The following DGKB variants were observed in gnomAD, a reference collection of about 807,000 sequenced individuals.
DGKB encodes 90 kDa diacylglycerol kinase.
DGKB carries 67 observed loss-of-function variants against 114.3 expected under a neutral mutation model. The observed-to-expected ratio is 0.59, with a 90% CI of 0.48 to 0.72. DGKB has a LOEUF of 0.72. Among genes scored for constraint, DGKB ranks in the 30% least tolerant of loss-of-function variants. DGKB has a pLI of 0.00. For synonymous variants in DGKB, 398 were observed against 323.1 expected (o/e 1.23, Z -2.49); for missense variants, 907 against 975.2 (o/e 0.93, Z 0.93).
At chr7:14,389,215 C>T (rs540804554) in intron 21 of DGKB, among the ~76,000 whole-genome samples, 7 of 152,086 alleles carry the variant, frequency 4.6e-5, no homozygotes, top group South Asian at 2.1e-4. Flanking sequence ...TGTGTGGGAC[C>T]GAGGAATCAT....
chr7:14,765,338 T>C lies in DGKB; in HGVS notation c.71-7607A>G, dbSNP rs538436574. On this transcript the variant is annotated intron_variant, in intron 2 of 25. Transcript: ENST00000402815. ...TAGCTTAAAAAGATAATGGGCATAA[T>C]ATCTTTGAGCAACCTGTTACACATA... Among the ~76,000 whole-genome samples the C allele has an allele frequency of 2.6e-5, 4 of 152,134 alleles. No homozygotes were observed. The South Asian group carries it at 8.3e-4, about 31-fold the overall frequency.
In DGKB at chr7:14,607,417, A is replaced by G. The variant is rs766648953; in HGVS notation, c.1433+17T>C. 3.0e-6 allele frequency: 4 copies of G among 1,340,598 alleles called. No homozygotes were observed. The highest frequency in any genetic ancestry group is 2.9e-5 in the African/African-American group (2 of 68,932). The allele number at this position is 1,340,598 out of a possible 1,614,324, so 83.0% of individuals were successfully genotyped here. On this transcript the variant is annotated intron_variant, in intron 17 of 25. Coordinates refer to ENST00000402815, the MANE Select transcript of DGKB (RefSeq NM_001350709.2). ...CATTAACTGAGTTAATGGTAATAAT[A>G]TTATCCTTGGACTTACCCTGGCATT...
chr7:14,737,649 C>T (rs1240200824), intron 4 of DGKB, among the ~76,000 whole-genome samples: 1 of 151,822 alleles, frequency 6.6e-6, no homozygotes, highest in Non-Finnish European at 1.5e-5. Flanking sequence ...ATCAATAGTC[C>T]CAAGATTCTG....
intron 20 of DGKB, among the ~76,000 whole-genome samples, chr7:14,502,804 A>G (rs1008953282): frequency 6.6e-6 from 1 of 152,146 alleles, no homozygotes; most frequent in Non-Finnish European, 1.5e-5. Context: ...CTCTTGCTGT[A>G]TGCACTGATC....
intron 1 of DGKB, among the ~76,000 whole-genome samples, chr7:14,899,749 A>G (rs1782693310): frequency 6.6e-6 from 1 of 152,048 alleles, no homozygotes; most frequent in South Asian, 2.1e-4. Flanking sequence ...GTTTAGGTGG[A>G]TCCAATTTTG....
At chr7:14,952,651 G>A (rs747195296) in intron 1 of DGKB, among the ~76,000 whole-genome samples, 1 of 152,004 alleles carries the variant, frequency 6.6e-6, no homozygotes. Flanking sequence ...AGCTACTCAG[G>A]AGGCTGAGAC....
chr7:14,447,412 T>G (rs1345916610), intron 21 of DGKB, among the ~76,000 whole-genome samples: 4 of 152,078 alleles, frequency 2.6e-5, no homozygotes, highest in Non-Finnish European at 4.4e-5. Flanking sequence ...CAACAATAGC[T>G]TCCACATGTG....
In DGKB at chr7:14,682,595, G is replaced by A. The variant is rs1234405984; in HGVS notation, c.993C>T (p.Tyr331=). 8.1e-6 allele frequency: 13 copies of A among 1,613,368 alleles called. No individual in the cohort carries two copies. The highest frequency in any genetic ancestry group is 1.1e-5 in the Non-Finnish European group (13 of 1,179,568). Residue 331 remains tyrosine (Y), a synonymous_variant, in exon 12 of 26, where the codon TAC becomes TAT. Transcript: ENST00000402815. The part of the protein sequence containing the change: ...CDKCHKTVKC[Y]QGLTGLHCVW... Reference sequence around the variant, plus strand: ...CACAATGCAGTCCTGTCAGGCCCTGGTAACATTTAACAGTTTTGTGGCACT... The same window carrying A: ...CACAATGCAGTCCTGTCAGGCCCTGATAACATTTAACAGTTTTGTGGCACT...
chr7:14,185,434 A>G (rs1027860611), intron 23 of DGKB, among the ~76,000 whole-genome samples: 6 of 152,226 alleles, frequency 3.9e-5, no homozygotes, highest in Admixed American at 3.3e-4. Flanking sequence ...GAAAATGACC[A>G]TACTGCCAAA....
At chr7:14,591,629 T>G (rs534753538) in intron 17 of DGKB, among the ~76,000 whole-genome samples, 249 of 152,278 alleles carry the variant, frequency 1.6e-3, no homozygotes, top group African/African-American at 5.7e-3. Flanking sequence ...TAAGATCCAC[T>G]GCACAACACT....
At chr7:14,884,264 A>G (rs1209343935) in intron 1 of DGKB, among the ~76,000 whole-genome samples, 2 of 151,988 alleles carry the variant, frequency 1.3e-5, no homozygotes, top group Non-Finnish European at 2.9e-5. Context: ...TTTTAATATA[A>G]TTATTTATTT....
intron 5 of DGKB, among the ~76,000 whole-genome samples, chr7:14,729,313 C>G (rs551482278): frequency 0.034 from 5,182 of 150,466 alleles, 280 homozygotes; most frequent in African/African-American, 0.11. Flanking sequence ...TAGTAGAGAC[C>G]AGGTTTCACC....
At chr7:14,399,119 C>G (rs6461094) in intron 21 of DGKB, among the ~76,000 whole-genome samples, 130,172 of 151,880 alleles carry the variant, frequency 0.86, 56,278 homozygotes, top group Middle Eastern at 0.93. Context: ...ACTTCTCCAA[C>G]GCTCATTTTC....
chr7:14,742,567 C>T (rs1203603837), intron 4 of DGKB, among the ~76,000 whole-genome samples: 2 of 152,148 alleles, frequency 1.3e-5, no homozygotes, highest in Non-Finnish European at 2.9e-5. Context: ...AGGTTGTAAA[C>T]TGCTTCTTTG....
intron 5 of DGKB, among the ~76,000 whole-genome samples, chr7:14,726,498 A>T (rs1017711518): frequency 2.0e-5 from 3 of 152,164 alleles, no homozygotes; most frequent in Non-Finnish European, 4.4e-5. Context: ...AAATCAGAGG[A>T]AACTGTCTTC....
At chr7:14,885,389 G>A (rs1317621649) in intron 1 of DGKB, among the ~76,000 whole-genome samples, 3 of 151,912 alleles carry the variant, frequency 2.0e-5, no homozygotes, top group Admixed American at 2.0e-4. Context: ...AGAACCTGGA[G>A]TTGTGGATGA....
chr7:14,833,999 A>G (rs1420966343), intron 2 of DGKB, among the ~76,000 whole-genome samples: 2 of 152,148 alleles, frequency 1.3e-5, no homozygotes, highest in African/African-American at 2.4e-5. Context: ...GCTGCTGAAT[A>G]ATGAATACAG....
intron 1 of DGKB, among the ~76,000 whole-genome samples, chr7:14,960,486 T>G (rs2115267905): frequency 6.6e-6 from 1 of 152,186 alleles, no homozygotes; most frequent in African/African-American, 2.4e-5. Flanking sequence ...CTGTATTTTT[T>G]TAAATAAAAT....
chr7:14,388,849 GC>G, intron 21 of DGKB, among the ~76,000 whole-genome samples: 1 of 152,118 alleles, frequency 6.6e-6, no homozygotes, highest in Non-Finnish European at 1.5e-5. Context: ...AAAATCAGAA[GC>G]TTGTTGAACT....
Sources: gnomAD v4.1 joint callset for allele counts (sites outside exome capture counted in the v4.1 genomes callset) on GRCh38, gnomAD v4.1.1 for gene constraint, MANE v1.5 for transcripts, NCBI Gene and HGNC (gene_info 2026-07-23, HGNC 2026-07-21) for gene names.